The following DCHS1 variants were observed in gnomAD, a reference collection of about 807,000 sequenced individuals.
The protein encoded by DCHS1 is dachsous cadherin-related 1.
DCHS1 carries 78 observed loss-of-function variants against 213.9 expected under a neutral mutation model. The observed-to-expected ratio is 0.36, with a 90% CI of 0.30 to 0.44. The LOEUF is 0.44. Among genes scored for constraint, DCHS1 ranks in the 20% least tolerant of loss-of-function variants. The pLI is 1.00. For synonymous variants in DCHS1, 1,828 were observed against 1,873.7 expected (o/e 0.98, Z 0.63); for missense variants, 3,946 against 4,395.9 (o/e 0.90, Z 2.89).
intron 1 of DCHS1, among the ~76,000 whole-genome samples, chr11:6,654,964 A>G (rs944035844): frequency 4.0e-5 from 6 of 149,192 alleles, no homozygotes; most frequent in African/African-American, 1.5e-4. Context: ...AGTTGCTCCA[A>G]TCTCCCACTC....
rs773404450 is a variant in DCHS1 at position 6,623,845 on chromosome 11, C to T, written c.7831G>A (p.Val2611Ile). 6.2e-7 allele frequency: 1 copy of T among 1,612,568 alleles called. No homozygotes were observed. Among genetic ancestry groups the T allele is most frequent in the Admixed American group, 1.7e-5 (1 of 60,000 alleles). The change falls in exon 21 of 21, where the codon GTA (valine) becomes ATA (isoleucine). Residue 2611 changes from valine (V) to isoleucine (I), a missense_variant. By Grantham distance (29) the Val-to-Ile change is conservative. Around this residue, in one of 3 missense-constraint regions of DCHS1, gnomAD observed 3,384 missense variants for 3,780.1 expected, o/e 0.90. Coordinates refer to ENST00000299441, the MANE Select transcript of DCHS1 (RefSeq NM_003737.4). ...VFTRASYRVT[V>I]PEDTPVGAEL... is the part of the protein sequence containing the mutation. The stretch of plus-strand genomic sequence containing the variant: ...GCTCCAACAGGTGTGTCCTCAGGTA[C>T]TGTCACACGGTAGGATGCTCGGGTA...
Position 6,629,625 on chromosome 11 carries a change from T to C in DCHS1, c.5035+47A>G, listed in dbSNP as rs2659873. 0.021 allele frequency: 34,620 copies of C among 1,612,830 alleles called. 1,631 individuals carry two copies. Among genetic ancestry groups the C allele is most frequent in the African/African-American group, 0.19 (14,301 of 75,006 alleles). On this transcript the variant is annotated intron_variant, in intron 11 of 20. Coordinates refer to ENST00000299441, the MANE Select transcript of DCHS1 (RefSeq NM_003737.4). The stretch of plus-strand genomic sequence containing the variant: ...GCGATCAGAGGGTAAAAATGCTGTT[T>C]CTTGCCCCAGTCCATCCCACTCATA...
rs747553033 is a variant in DCHS1 at position 6,627,530 on chromosome 11, C to T, written c.5509G>A (p.Ala1837Thr). ...ARDGGQPALS[A>T]TLLLTVTVLD... ...ACTGTCACTGTCAAAAGCAGCGTGGCACTGAGAGCTGGCTGGCCTCCATCC... is the reference window on the plus strand; with the variant it reads ...ACTGTCACTGTCAAAAGCAGCGTGGTACTGAGAGCTGGCTGGCCTCCATCC... Residue 1837 changes from alanine (A) to threonine (T), a missense_variant, in exon 14 of 21, where the codon GCC becomes ACC. This residue lies in a region of DCHS1 where 3,384 missense variants were observed against 3,780.1 expected (regional missense o/e 0.90). Transcript: ENST00000299441. The surrounding 1 kb of genome is among the most constrained non-coding windows in gnomAD (Gnocchi z 5.4). 8 of 1,612,482 alleles carry T rather than the reference C, an allele frequency of 5.0e-6. No individual in the cohort carries two copies. The East Asian group carries it at 6.7e-5, about 13-fold the overall frequency.
rs1215321536 is a variant in DCHS1 at position 6,626,065 on chromosome 11, C to A, written c.6586G>T (p.Asp2196Tyr). The part of the protein sequence containing the change: ...LEGPLLQVEA[D>Y]DLDQGSGGQI... The stretch of plus-strand genomic sequence containing the variant: ...CCTCCAGAGCCTTGATCCAGGTCAT[C>A]CGCCTCCACCTGGTGAGGGTAGGAG... Residue 2196 changes from aspartate (D) to tyrosine (Y), a missense_variant, in exon 17 of 21, where the codon GAT (aspartate) becomes TAT (tyrosine). This residue lies in a region of DCHS1 where 3,384 missense variants were observed against 3,780.1 expected (regional missense o/e 0.90). Transcript: ENST00000299441. This position sits in a 1 kb window ranked among gnomAD's most constrained non-coding sequence, Gnocchi z 5.2. The A allele has an allele frequency of 2.5e-5, 40 of 1,610,094 alleles. No homozygotes were observed. Among genetic ancestry groups the A allele is most frequent in the Non-Finnish European group, 3.3e-5 (39 of 1,178,226 alleles).
Position 6,621,944 on chromosome 11 carries a change from G to A in DCHS1, c.9732C>T (p.Ser3244=), listed in dbSNP as rs1272355378. ...TGGGGGACATGGCAGCTGAGGACAG[G>A]GAGCCTTCATGGCTGATGGGGGAGC... ...SHRSPISHEG[S]LSSAAMSPSF... The change falls in exon 21 of 21, where the codon TCC becomes TCT. Residue 3244 remains serine (S), a synonymous_variant. Coordinates refer to ENST00000299441, the MANE Select transcript of DCHS1 (RefSeq NM_003737.4). 2 of 1,613,404 alleles carry A rather than the reference G, an allele frequency of 1.2e-6. No individual in the cohort carries two copies. The highest frequency in any genetic ancestry group is 8.5e-7 in the Non-Finnish European group (1 of 1,179,756).
chr11:6,632,749 G>A lies in DCHS1; in HGVS notation c.2763C>T (p.Pro921=), dbSNP rs772421265. The A allele has an allele frequency of 4.5e-5, 72 of 1,611,826 alleles. No homozygotes were observed. The highest frequency in any genetic ancestry group is 5.5e-5 in the Non-Finnish European group (65 of 1,179,030). The change falls in exon 6 of 21, where the codon CCC becomes CCT. Residue 921 remains proline (P), a synonymous_variant. Coordinates refer to ENST00000299441, the MANE Select transcript of DCHS1 (RefSeq NM_003737.4). The surrounding 1 kb of genome is among the most constrained non-coding windows in gnomAD (Gnocchi z 5.9). ...TPIYTLRALD[P]DSGVNSRVTF... ...TGACTCGACTGTTAACACCTGAGTC[G>A]GGGTCAAGAGCCCGCAGTGTATAGA... is the stretch of plus-strand genomic sequence containing the variant.
rs1211948411 is a variant in DCHS1, at chr11:6,655,690, C to T, written c.-248G>A. 3 of 979,734 alleles carry T rather than the reference C, an allele frequency of 3.1e-6. No homozygotes were observed. The highest frequency in any genetic ancestry group is 4.7e-5 in the South Asian group (1 of 21,268). 60.7% of individuals were successfully genotyped at this position (979,734 alleles called of 1,614,324 possible). ...GTCCGCAGTCGCTGTCTCCGAGGCC[C>T]GCGATCCCCTCCGGGCAGCCGCCGT... On this transcript the variant is annotated 5_prime_UTR_variant, in exon 1 of 21. Transcript: ENST00000299441.
At chr11:6,633,131 GAGA>G in intron 5 of DCHS1, 75 bp from the exon 6 acceptor site, 1 of 1,504,120 alleles carries the variant, frequency 6.6e-7, no homozygotes, top group South Asian at 1.3e-5. Context: ...GTCTGATCCC[GAGA>G]AGGACTGGGC....
chr11:6,638,329 C>G (rs1856017075), intron 2 of DCHS1, among the ~76,000 whole-genome samples: 1 of 152,218 alleles, frequency 6.6e-6, no homozygotes, highest in East Asian at 1.9e-4. Context: ...GCAGCCAAAG[C>G]AATCTTTCTT....
Position 6,631,348 on chromosome 11 carries a change from A to G in DCHS1, c.3735T>C (p.Asp1245=), listed in dbSNP as rs1855904590. 6.2e-7 allele frequency: 1 copy of G among 1,613,906 alleles called. No individual in the cohort carries two copies. The highest frequency in any genetic ancestry group is 1.1e-5 in the South Asian group (1 of 91,088). The change falls in exon 8 of 21, where the codon GAT becomes GAC. Residue 1245 remains aspartate, a synonymous_variant. Transcript: ENST00000299441. ...ACAAGATGGTCCCATTCTCCCCCTC[A>G]TCTGGATCCTTCGCCTGCAGAGTCG... ...LVTTLQAKDP[D]EGENGTILYT...
rs768492151 is a variant in DCHS1, at chr11:6,631,778, A to G, written c.3513T>C (p.Arg1171=). The change falls in exon 7 of 21, where the codon CGT becomes CGC. Residue 1171 remains arginine (R), a synonymous_variant. Transcript: ENST00000299441. ...GEVTTLQTLD[R]EQQSSYQLLV... is the part of the protein sequence containing the mutation. ...GGAGCTGATAGCTGCTCTGCTGCTC[A>G]CGGTCCAGGGTTTGGAGTGTGGTCA... The G allele has an allele frequency of 1.3e-6, 2 of 1,570,228 alleles. No individual in the cohort carries two copies. Among genetic ancestry groups the G allele is most frequent in the South Asian group, 1.2e-5 (1 of 83,298 alleles).
Position 6,626,945 on chromosome 11 carries a change from G to C in DCHS1, c.6094C>G (p.Arg2032Gly), listed in dbSNP as rs770888054. The C allele has an allele frequency of 1.2e-6, 2 of 1,613,722 alleles. No individual in the cohort carries two copies. The highest frequency in any genetic ancestry group is 2.2e-5 in the South Asian group (2 of 91,082). Reference protein sequence around the residue: ...VARSPVALGPRDRVLFIVATD... With the variant: ...VARSPVALGPGDRVLFIVATD... ...GCCACAATGAAGAGGACACGATCTC[G>C]GGGGCCTAGAGCTACAGGAGAGCGG... The change falls in exon 14 of 21, where the codon CGA (arginine) becomes GGA (glycine). Residue 2032 changes from arginine (R) to glycine (G), a missense_variant. Arg to Gly is a moderately radical substitution (Grantham distance 125, BLOSUM62 -2). Coordinates refer to ENST00000299441, the MANE Select transcript of DCHS1 (RefSeq NM_003737.4). The surrounding 1 kb of genome is among the most constrained non-coding windows in gnomAD (Gnocchi z 5.2).
Position 6,626,828 on chromosome 11 carries a change from C to T in DCHS1, c.6211G>A (p.Ala2071Thr), listed in dbSNP as rs950300046. ...TCACGAATCGTAGCCTCACTGCTAG[C>T]CCGGGGAAAGCGGGGTCCACGCTCA... Reference protein sequence around the residue: ...EAERGPRFPRASSEATIRENA... With the variant: ...EAERGPRFPRTSSEATIRENA... Residue 2071 changes from alanine to threonine, a missense_variant, in exon 14 of 21, where the codon GCT becomes ACT. Ala to Thr is a moderately conservative substitution (Grantham distance 58). Around this residue, in one of 3 missense-constraint regions of DCHS1, gnomAD observed 3,384 missense variants for 3,780.1 expected, o/e 0.90. Transcript: ENST00000299441. The surrounding 1 kb of genome is among the most constrained non-coding windows in gnomAD (Gnocchi z 5.2). 1 of 1,613,066 alleles carries T rather than the reference C, an allele frequency of 6.2e-7. No homozygotes were observed. The highest frequency in any genetic ancestry group is 8.5e-7 in the Non-Finnish European group (1 of 1,179,874).
chr11:6,652,458 G>C (rs1474306592), intron 1 of DCHS1, among the ~76,000 whole-genome samples: 1 of 152,206 alleles, frequency 6.6e-6, no homozygotes, highest in Non-Finnish European at 1.5e-5. Context: ...AAGCCTCTTA[G>C]TTAACGGGGT....
In DCHS1 at chr11:6,634,215, C is replaced by A. The variant is rs187784912; in HGVS notation, c.1889G>T (p.Arg630Leu). Residue 630 changes from arginine to leucine, a missense_variant, in exon 3 of 21, where the codon CGC becomes CTC. Arg to Leu is a moderately radical substitution (Grantham distance 102). Transcript: ENST00000299441. Reference sequence around the variant, plus strand: ...CACATCACCGCTGTGGGCATCAATGCGGAATGGGGGAGATCCGGAGGACCC... The same window carrying A: ...CACATCACCGCTGTGGGCATCAATGAGGAATGGGGGAGATCCGGAGGACCC... ...GLGSSGSPPF[R>L]IDAHSGDVCT... 4 of 1,613,882 alleles carry A rather than the reference C, an allele frequency of 2.5e-6. No individual in the cohort carries two copies. Among genetic ancestry groups the A allele is most frequent in the Non-Finnish European group, 2.5e-6 (3 of 1,179,842 alleles).
chr11:6,651,089 A>G (rs974291806), intron 1 of DCHS1, among the ~76,000 whole-genome samples: 1 of 152,204 alleles, frequency 6.6e-6, no homozygotes, highest in African/African-American at 2.4e-5. Context: ...TGGGACCCTG[A>G]GTCACAAAGA....
rs1410376743 is a variant in DCHS1 at position 6,632,309 on chromosome 11, T to C, written c.3203A>G (p.Tyr1068Cys). The stretch of plus-strand genomic sequence containing the variant: ...AGACACTGCCATTACCTTCAGTATG[T>C]ACAATTCCTGGGCCTCACGGTCTAG... ...AALDREAQEL[Y>C]ILKVMAVSGS... is the part of the protein sequence containing the mutation. The change falls in exon 6 of 21, where the codon TAC becomes TGC. Residue 1068 changes from tyrosine to cysteine, a missense_variant. Around this residue, in one of 3 missense-constraint regions of DCHS1, gnomAD observed 3,384 missense variants for 3,780.1 expected, o/e 0.90. Coordinates refer to ENST00000299441, the MANE Select transcript of DCHS1 (RefSeq NM_003737.4). This position sits in a 1 kb window ranked among gnomAD's most constrained non-coding sequence, Gnocchi z 5.9. The C allele has an allele frequency of 6.2e-7, 1 of 1,613,792 alleles. No homozygotes were observed. The highest frequency in any genetic ancestry group is 8.5e-7 in the Non-Finnish European group (1 of 1,179,856).
rs1291272032 is a variant in DCHS1, at chr11:6,633,969, C to G, written c.2038G>C (p.Asp680His). 1.9e-6 allele frequency: 3 copies of G among 1,613,894 alleles called. No homozygotes were observed. The African/African-American group carries it at 4.0e-5, about 22-fold the overall frequency. ...CGTGGATAAAACTGAGGAGGGTTGT[C>G]ATTCTCGTCTGACAGAAACACCTTC... ...YVKVFLSDEN[D>H]NPPQFYPREY... Residue 680 changes from aspartate to histidine, a missense_variant, in exon 4 of 21, where the codon GAC becomes CAC. This residue lies in a region of DCHS1 where 3,384 missense variants were observed against 3,780.1 expected (regional missense o/e 0.90). Transcript: ENST00000299441.
Position 6,624,301 on chromosome 11 carries a change from C to T in DCHS1, c.7375G>A (p.Ala2459Thr), listed in dbSNP as rs1360767541. The change falls in exon 21 of 21, where the codon GCT (alanine) becomes ACT (threonine). Residue 2459 changes from alanine to threonine, a missense_variant. Physicochemically the swap from Ala to Thr is moderately conservative, Grantham distance 58. This residue lies in a region of DCHS1 where 3,384 missense variants were observed against 3,780.1 expected (regional missense o/e 0.90). Transcript: ENST00000299441. ...DVVLEARDHG[A>T]PGRAARATVH... is the part of the protein sequence containing the mutation. ...GTGGCTCGTGCTGCCCGGCCTGGAG[C>T]CCCGTGGTCTCGTGCTTCCAGCACC... The T allele has an allele frequency of 6.3e-7, 1 of 1,591,942 alleles. No homozygotes were observed. Among genetic ancestry groups the T allele is most frequent in the Admixed American group, 1.8e-5 (1 of 55,878 alleles).
Sources: allele counts gnomAD v4.1 joint callset (sites outside exome capture counted in the v4.1 genomes callset), GRCh38; gene constraint gnomAD v4.1.1; regional missense constraint gnomAD v4.1.1; non-coding constraint Gnocchi (gnomAD v3.1); transcripts MANE v1.5; gene names NCBI Gene and HGNC (gene_info 2026-07-23, HGNC 2026-07-21).